The following PPIP5K2 variants were observed in gnomAD, a reference collection of about 807,000 sequenced individuals.
PPIP5K2 encodes the protein diphosphoinositol pentakisphosphate kinase 2.
Under a neutral mutation model 154.6 loss-of-function variants are expected in PPIP5K2, and 105 were observed. The ratio of observed to expected loss-of-function variants is 0.68; its 90% confidence interval spans 0.58 to 0.80. The LOEUF (loss-of-function observed/expected upper bound fraction) is 0.80. Among genes scored for constraint, PPIP5K2 ranks in the 30% least tolerant of loss-of-function variants. The pLI, the probability that PPIP5K2 is intolerant of heterozygous loss-of-function variation, is 0.00. For synonymous variants in PPIP5K2, 480 were observed against 490.3 expected, an observed-to-expected ratio of 0.98 and a Z score of 0.28; for missense variants, 992 against 1,504.6, an observed-to-expected ratio of 0.66 and a Z score of 5.64.
intron 7 of PPIP5K2, 62 bp from the exon 8 acceptor site, chr5:103,149,090 G>A: frequency 2.5e-6 from 3 of 1,186,682 alleles, no homozygotes; most frequent in Non-Finnish European, 3.4e-6. Flanking sequence ...GTTGTCTGTT[G>A]GTTACACACA....
At chr5:103,148,243 T>C (rs1794056701) in intron 7 of PPIP5K2, 1 of 582,248 alleles carries the variant, frequency 1.7e-6, no homozygotes, top group Non-Finnish European at 3.1e-6. Context: ...GCTTTAAACA[T>C]GTAAGATTAT....
At chr5:103,187,725 A>G (rs1800620272) in intron 28 of PPIP5K2, among the ~76,000 whole-genome samples, 1 of 152,096 alleles carries the variant, frequency 6.6e-6, no homozygotes. Flanking sequence ...TTAATTCTCA[A>G]TAACTTTTTT....
intron 14 of PPIP5K2, among the ~76,000 whole-genome samples, chr5:103,156,804 G>A (rs951962327): frequency 7.2e-5 from 11 of 152,112 alleles, no homozygotes; most frequent in Non-Finnish European, 1.2e-4. Context: ...ACCCAAAGAA[G>A]TAATCAGATG....
chr5:103,194,282 C>T (rs868927954), intron 29 of PPIP5K2, among the ~76,000 whole-genome samples: 6 of 151,952 alleles, frequency 3.9e-5, no homozygotes, highest in Non-Finnish European at 7.4e-5. Flanking sequence ...GTCCTTCTGC[C>T]TCAGCCTCCC....
At chr5:103,176,546 ACAGT>A (rs1174717308) in intron 21 of PPIP5K2, among the ~76,000 whole-genome samples, 1 of 152,040 alleles carries the variant, frequency 6.6e-6, no homozygotes, top group Non-Finnish European at 1.5e-5. Context: ...TAAAAAGCAT[ACAGT>A]CAATGTGTGG....
intron 5 of PPIP5K2, among the ~76,000 whole-genome samples, chr5:103,144,760 A>T (rs545516701): frequency 6.6e-6 from 1 of 152,230 alleles, no homozygotes; most frequent in African/African-American, 2.4e-5. Flanking sequence ...CATATACATA[A>T]TCAAAATGGA....
intron 1 of PPIP5K2, among the ~76,000 whole-genome samples, chr5:103,122,538 T>G (rs1319344666): frequency 2.0e-5 from 3 of 152,140 alleles, no homozygotes; most frequent in Non-Finnish European, 4.4e-5. Context: ...AGGCTTTTTT[T>G]GTGTAATCTT....
At chr5:103,165,041 A>G (rs1338649878) in intron 17 of PPIP5K2, among the ~76,000 whole-genome samples, 1 of 152,084 alleles carries the variant, frequency 6.6e-6, no homozygotes, top group Non-Finnish European at 1.5e-5. Flanking sequence ...CATCTGGGAA[A>G]AGATAATAAT....
At chr5:103,144,379 A>T (rs1230278300) in intron 5 of PPIP5K2, among the ~76,000 whole-genome samples, 1 of 152,154 alleles carries the variant, frequency 6.6e-6, no homozygotes, top group African/African-American at 2.4e-5. Context: ...TACAGATTCA[A>T]TGCAGTCAGA....
chr5:103,120,561 C>T (rs1788485814), intron 1 of PPIP5K2, 73 bp downstream of exon 1: 3 of 455,546 alleles, frequency 6.6e-6, no homozygotes, highest in African/African-American at 4.0e-5. Flanking sequence ...GGCTGCTGGG[C>T]TTCTGCTTTG....
At chr5:103,175,080 A>G (rs781867424) in intron 21 of PPIP5K2, among the ~76,000 whole-genome samples, 8 of 152,154 alleles carry the variant, frequency 5.3e-5, no homozygotes, top group Non-Finnish European at 1.0e-4. Context: ...GTATATTGGT[A>G]TACGCATCTG....
chr5:103,189,660 G>GA (rs1176077697), intron 28 of PPIP5K2, among the ~76,000 whole-genome samples: 3 of 152,014 alleles, frequency 2.0e-5, no homozygotes, highest in Non-Finnish European at 4.4e-5. Flanking sequence ...GTTTGCACCT[G>GA]AAAATCAGAC....
intron 4 of PPIP5K2, among the ~76,000 whole-genome samples, chr5:103,137,983 G>A (rs1321194035): frequency 1.3e-5 from 2 of 152,124 alleles, no homozygotes; most frequent in Admixed American, 6.5e-5. Flanking sequence ...TACCAAATTA[G>A]AATCACTTTT....
At chr5:103,157,337 A>G (rs1482115491) in intron 14 of PPIP5K2, among the ~76,000 whole-genome samples, 1 of 152,186 alleles carries the variant, frequency 6.6e-6, no homozygotes, top group Admixed American at 6.5e-5. Flanking sequence ...AGATTCCACA[A>G]TTTCAAATTT....
At chr5:103,128,737 A>G (rs1204649370) in intron 1 of PPIP5K2, among the ~76,000 whole-genome samples, 2 of 152,122 alleles carry the variant, frequency 1.3e-5, no homozygotes, top group Non-Finnish European at 2.9e-5. Context: ...TTTGACTTCT[A>G]CATGTTTAAG....
intron 23 of PPIP5K2, among the ~76,000 whole-genome samples, chr5:103,178,367 C>G (rs1013987571): frequency 1.3e-5 from 2 of 151,862 alleles, no homozygotes; most frequent in African/African-American, 4.8e-5. Context: ...ACCTATAGTA[C>G]TACATCTGAT....
In PPIP5K2 at chr5:103,158,278, G is replaced by C; in HGVS notation, c.1580G>C (p.Gly527Ala). ...GGCAGGGTCCAGGCTGAAGAACTTGGAAGAGCCTTCAGGTGTATGTATCCT... is the reference window on the plus strand; with the variant it reads ...GGCAGGGTCCAGGCTGAAGAACTTGCAAGAGCCTTCAGGTGTATGTATCCT... Reference protein sequence around the residue: ...PAGRVQAEELGRAFRCMYPGG... With the variant: ...PAGRVQAEELARAFRCMYPGG... The change falls in exon 15 of 31, where the codon GGA becomes GCA. Residue 527 changes from glycine (G) to alanine (A), a missense_variant. Gly to Ala is a moderately conservative substitution (Grantham distance 60). Transcript: ENST00000358359. 1 of 1,614,028 alleles carries C rather than the reference G, an allele frequency of 6.2e-7. No individual in the cohort carries two copies. The highest frequency in any genetic ancestry group is 1.1e-5 in the South Asian group (1 of 91,082).
chr5:103,183,544 AAATAC>A, intron 25 of PPIP5K2, 137 bp downstream of exon 25: 1 of 719,994 alleles, frequency 1.4e-6, no homozygotes. Flanking sequence ...GTTCATTTAA[AAATAC>A]TTAATGATAT....
chr5:103,138,344 G>A, intron 4 of PPIP5K2, 40 bp from the exon 5 acceptor site: 3 of 1,202,416 alleles, frequency 2.5e-6, no homozygotes, highest in Non-Finnish European at 3.6e-6. Flanking sequence ...ATTGTGAAAT[G>A]GAGCAATAAA....
Sources: gnomAD v4.1 joint callset for allele counts (sites outside exome capture counted in the v4.1 genomes callset) on GRCh38, gnomAD v4.1.1 for gene constraint, MANE v1.5 for transcripts, NCBI Gene and HGNC (gene_info 2026-07-23, HGNC 2026-07-21) for gene names.